The following MYH11 variants were observed in gnomAD, a reference collection of about 807,000 sequenced individuals.
The protein encoded by MYH11 is myosin-11.
A neutral mutation model predicts 246.6 loss-of-function variants in MYH11; 80 were observed. The observed-to-expected ratio is 0.32, with a 90% confidence interval of 0.27 to 0.39. MYH11 has a LOEUF of 0.39. Among genes scored for constraint, MYH11 ranks in the 10% least tolerant of loss-of-function variants. The pLI, the probability that MYH11 is intolerant of heterozygous loss-of-function variation, is 1.00. For synonymous variants in MYH11, 1,071 were observed against 1,015.5 expected, an observed-to-expected ratio of 1.05 and a Z score of -1.04; for missense variants, 2,158 against 2,546.8, an observed-to-expected ratio of 0.85 and a Z score of 3.29.
At chr16:15,831,464 GGTGTGTGTGTGTGTGTGTGTGTGT>G (rs59352444) in intron 2 of MYH11, among the ~76,000 whole-genome samples, 2 of 145,588 alleles carry the variant, frequency 1.4e-5, no homozygotes, top group African/African-American at 5.1e-5. Flanking sequence ...TTATGTTTGG[GGTGTGTGTGTGTGTGTGTGTGTGT>G]GTGTGTGTGT....
intron 25 of MYH11, among the ~76,000 whole-genome samples, chr16:15,735,927 C>T (rs1435939185): frequency 1.3e-5 from 2 of 151,764 alleles, no homozygotes; most frequent in Non-Finnish European, 2.9e-5. Flanking sequence ...TTGGACAGTT[C>T]TTCTTCCCTG....
chr16:15,759,820 G>A (rs985630955), intron 11 of MYH11, 92 bp from the exon 12 acceptor site: 51 of 1,502,944 alleles, frequency 3.4e-5, no homozygotes, highest in East Asian at 3.1e-4. Flanking sequence ...ATTCTTGGCC[G>A]GGTGCAGTGA....
intron 3 of MYH11, among the ~76,000 whole-genome samples, chr16:15,812,800 G>A (rs1242869963): frequency 6.6e-6 from 1 of 152,080 alleles, no homozygotes; most frequent in African/African-American, 2.4e-5. Context: ...TGGAGCCTAG[G>A]AGGTCAAGCC....
At chr16:15,818,975 G>A (rs1596895315) in intron 3 of MYH11, among the ~76,000 whole-genome samples, 1 of 152,106 alleles carries the variant, frequency 6.6e-6, no homozygotes, top group South Asian at 2.1e-4. Context: ...GAAGTCCTGG[G>A]CTCAAGCCAT....
intron 2 of MYH11, among the ~76,000 whole-genome samples, chr16:15,826,142 G>GTTCA (rs112786889): frequency 0.034 from 5,074 of 151,000 alleles, 111 homozygotes; most frequent in African/African-American, 0.064. Context: ...CTGATCGTTC[G>GTTCA]TTCATTCATT....
chr16:15,837,397 A>T (rs892071007), intron 2 of MYH11, among the ~76,000 whole-genome samples: 6 of 152,156 alleles, frequency 3.9e-5, no homozygotes, highest in Non-Finnish European at 8.8e-5. Flanking sequence ...AATGAGGGTG[A>T]TTATTCCCAT....
chr16:15,807,553 G>T (rs974024316), intron 3 of MYH11, among the ~76,000 whole-genome samples: 19 of 152,092 alleles, frequency 1.2e-4, no homozygotes, highest in Non-Finnish European at 2.4e-4. Context: ...AGCATCCCAA[G>T]CAGAGGGCCT....
At chr16:15,792,858 C>T (rs540520370) in intron 4 of MYH11, 27 of 152,338 alleles carry the variant, frequency 1.8e-4, no homozygotes, top group Admixed American at 1.7e-3. Context: ...CTGCCTCATC[C>T]TCCTAAGTAG....
At chr16:15,836,719 CTTT>C (rs780997939) in intron 2 of MYH11, among the ~76,000 whole-genome samples, 20 of 95,092 alleles carry the variant, frequency 2.1e-4, no homozygotes, top group African/African-American at 7.2e-4. Flanking sequence ...TTTAATGTTT[CTTT>C]TTTTTTTTTT....
At position 15,720,332 on chromosome 16, in the gene MYH11, G is replaced by T; in HGVS notation, c.4792-20C>A. On this transcript the variant is annotated intron_variant, in intron 33 of 40. Coordinates refer to ENST00000300036, the MANE Select transcript of MYH11 (RefSeq NM_002474.3). ...GTGAAGCTGGGCGAGGAATAGAGAT[G>T]TGTGCTGCCCCACTTGCCCCTGGGA... The T allele has an allele frequency of 6.2e-7, 1 of 1,611,220 alleles. No homozygotes were observed. The highest frequency in any genetic ancestry group is 1.3e-5 in the African/African-American group (1 of 74,980).
In MYH11 at chr16:15,720,877, C is replaced by T. The variant is rs773895582; in HGVS notation, c.4753G>A (p.Glu1585Lys). The change falls in exon 33 of 41, where the codon GAG becomes AAG. Residue 1585 changes from glutamate to lysine, a missense_variant. By Grantham distance (56) the Glu-to-Lys change is moderately conservative (BLOSUM62 1). Transcript: ENST00000300036. ...TGCCTCCTCTTCTCCTCATTCTGCT[C>T]GTCCCGGGCTTGGAGATCCCTTTCG... ...QFERDLQARD[E>K]QNEEKRRQLQ... 10 of 1,614,006 alleles carry T rather than the reference C, an allele frequency of 6.2e-6. No individual in the cohort carries two copies. In the East Asian group the frequency reaches 1.1e-4, roughly 18 times the overall value.
At chr16:15,826,028 AAAG>A (rs1260774157) in intron 2 of MYH11, among the ~76,000 whole-genome samples, 1 of 152,162 alleles carries the variant, frequency 6.6e-6, no homozygotes, top group Non-Finnish European at 1.5e-5. Context: ...CGAGGTCACC[AAAG>A]AAGATCCTGG....
intron 3 of MYH11, among the ~76,000 whole-genome samples, chr16:15,807,644 G>T (rs900655019): frequency 2.6e-5 from 4 of 152,056 alleles, no homozygotes; most frequent in African/African-American, 7.2e-5. Flanking sequence ...GGGGCGGCCG[G>T]CCATCATCAG....
chr16:15,815,792 C>A (rs1229994605), intron 3 of MYH11, among the ~76,000 whole-genome samples: 2 of 152,044 alleles, frequency 1.3e-5, no homozygotes, highest in Non-Finnish European at 2.9e-5. Context: ...AAAAACTGGT[C>A]ATGTACAAAG....
At chr16:15,730,543 C>A (rs2040930121) in intron 27 of MYH11, among the ~76,000 whole-genome samples, 1 of 151,904 alleles carries the variant, frequency 6.6e-6, no homozygotes, top group Admixed American at 6.6e-5. Flanking sequence ...CTCCACTGCT[C>A]AAAAAATAAA....
chr16:15,782,445 G>A lies in MYH11; in HGVS notation c.666C>T (p.Asn222=), dbSNP rs762397994. The A allele has an allele frequency of 6.2e-7, 1 of 1,614,162 alleles. No homozygotes were observed. The highest frequency in any genetic ancestry group is 8.5e-7 in the Non-Finnish European group (1 of 1,180,032). ...GELEKQLLQA[N]PILEAFGNAK... ...CGTTGCCGAAAGCCTCCAGAATCGG[G>A]TTTGCTTGTAGAAGCTGCTTTTCCA... Residue 222 remains asparagine (N), a synonymous_variant, in exon 6 of 41, where the codon AAC becomes AAT. Coordinates refer to ENST00000300036, the MANE Select transcript of MYH11 (RefSeq NM_002474.3).
In MYH11 at chr16:15,786,519, G is replaced by A. The variant is rs1189927507; in HGVS notation, c.633+111C>T. On this transcript the variant is annotated intron_variant, in intron 5 of 40. Transcript: ENST00000300036. ...TCTTTGAGTCTTCAGGGGAGGGGTA[G>A]TCAGATGGGGCCTGAGTTCTTGCAA... The A allele has an allele frequency of 2.9e-6, 3 of 1,050,618 alleles. No individual in the cohort carries two copies. In the Admixed American group the frequency reaches 5.1e-5, roughly 18 times the overall value. 65.1% of individuals were successfully genotyped at this position (1,050,618 alleles called of 1,614,324 possible).
chr16:15,715,275 G>A lies in MYH11; in HGVS notation c.5505-3C>T. 2 of 1,613,940 alleles carry A rather than the reference G, an allele frequency of 1.2e-6. No homozygotes were observed. The highest frequency in any genetic ancestry group is 1.7e-6 in the Non-Finnish European group (2 of 1,179,974). ...ACTTGGTGGCCGCCTGTTTCTCTCT[G>A]CAAACAGCAAGGAAAACAGGTGGTT... On this transcript the variant is annotated splice_polypyrimidine_tract_variant and splice_region_variant and intron_variant, in intron 38 of 40. Transcript: ENST00000300036.
chr16:15,756,351 T>A lies in MYH11; in HGVS notation c.1739A>T (p.Tyr580Phe). The A allele has an allele frequency of 6.2e-7, 1 of 1,614,076 alleles. No individual in the cohort carries two copies. Among genetic ancestry groups the A allele is most frequent in the Non-Finnish European group, 8.5e-7 (1 of 1,180,014 alleles). Residue 580 changes from tyrosine (Y) to phenylalanine (F), a missense_variant, in exon 14 of 41, where the codon TAT becomes TTT. This residue lies in a region of MYH11 where 317 missense variants were observed against 507.7 expected (regional missense o/e 0.62). Coordinates refer to ENST00000300036, the MANE Select transcript of MYH11 (RefSeq NM_002474.3). ...CCCTGTGGCTGGTACCTTCCCAGCATAATGGATGATGGAGAACTCAGTCTT... is the reference window on the plus strand; with the variant it reads ...CCCTGTGGCTGGTACCTTCCCAGCAAAATGGATGATGGAGAACTCAGTCTT... ...KDKTEFSIIH[Y>F]AGKVDYNASA... is the part of the protein sequence containing the mutation.
Sources: allele counts gnomAD v4.1 joint callset (sites outside exome capture counted in the v4.1 genomes callset), GRCh38; gene constraint gnomAD v4.1.1; regional missense constraint gnomAD v4.1.1; transcripts MANE v1.5; gene names NCBI Gene and HGNC (gene_info 2026-07-23, HGNC 2026-07-21).